Variants in KLHDC4 observed in about 807,000 individuals in gnomAD.
The protein encoded by KLHDC4 is kelch domain-containing protein 4.
A neutral mutation model predicts 62.4 loss-of-function variants in KLHDC4; 90 were observed. That is an observed-to-expected ratio of 1.44 (90% CI 1.22 to 1.72). The LOEUF (loss-of-function observed/expected upper bound fraction) is 1.72. KLHDC4 is among the 40% of genes most tolerant of loss of function. KLHDC4 has a pLI of 0.00. For missense variants in KLHDC4, 1,025 were observed against 699.7 expected, an observed-to-expected ratio of 1.47 and a Z score of -5.25; for synonymous variants, 386 against 284.4, an observed-to-expected ratio of 1.36 and a Z score of -3.59.
intron 6 of KLHDC4, among the ~76,000 whole-genome samples, chr16:87,727,277 C>T (rs1167177331): frequency 6.6e-6 from 1 of 152,170 alleles, no homozygotes. Flanking sequence ...CCCACAGAGG[C>T]AGAGGAATTT....
intron 7 of KLHDC4, among the ~76,000 whole-genome samples, chr16:87,715,962 C>T (rs928181687): frequency 1.3e-5 from 2 of 152,226 alleles, no homozygotes; most frequent in East Asian, 1.9e-4. Context: ...TTTGGGCACG[C>T]TCTGTGTCTC....
rs1348095594 is a variant in KLHDC4 at position 87,708,424 on chromosome 16, C to T, written c.1490G>A (p.Ser497Asn). The change falls in exon 11 of 12, where the codon AGT becomes AAT. Residue 497 changes from serine (S) to asparagine (N), a missense_variant. Physicochemically the swap from Ser to Asn is conservative, Grantham distance 46. Transcript: ENST00000270583. ...ACCCTCGGCGCCCTCAACCTCCTCA[C>T]TGTCCTCTTCCGAGTCCGTCTCCTC... ...WLEETDSEED[S>N]EEVEGAEGGV... 2 of 1,611,826 alleles carry T rather than the reference C, an allele frequency of 1.2e-6. No individual in the cohort carries two copies. The highest frequency in any genetic ancestry group is 1.7e-6 in the Non-Finnish European group (2 of 1,179,312).
chr16:87,765,686 C>T (rs757175273), intron 1 of KLHDC4, 106 bp downstream of exon 1: 148 of 1,099,202 alleles, frequency 1.3e-4, no homozygotes, highest in Non-Finnish European at 1.8e-4. Context: ...TCCCGCAGGG[C>T]CGGCGCGGCT....
downstream of KLHDC4, among the ~76,000 whole-genome samples, chr16:87,705,293 C>G (rs535030953): frequency 6.6e-5 from 10 of 152,380 alleles, no homozygotes; most frequent in South Asian, 2.1e-3. Flanking sequence ...CCCCGGCAGA[C>G]AGAGCAGACC....
intron 5 of KLHDC4, among the ~76,000 whole-genome samples, chr16:87,734,975 TCCCCCTCCTGACGAATTGCCTGA>T: frequency 1.2e-4 from 1 of 8,414 alleles, no homozygotes; most frequent in African/African-American, 5.5e-4. Context: ...CTGACGCCCC[TCCCCCTCCTGACGAATTGCCTGA>T]CGCCCCTCCC....
chr16:87,736,704 C>T (rs1233226152), intron 5 of KLHDC4, among the ~76,000 whole-genome samples: 1 of 152,218 alleles, frequency 6.6e-6, no homozygotes, highest in Non-Finnish European at 1.5e-5. Flanking sequence ...CTTGTCTCAT[C>T]TTAATGATTA....
At chr16:87,712,608 T>C (rs2036124265) in intron 8 of KLHDC4, among the ~76,000 whole-genome samples, 1 of 152,212 alleles carries the variant, frequency 6.6e-6, no homozygotes, top group African/African-American at 2.4e-5. Context: ...GGCTGGAAAG[T>C]GACTGAAAGA....
At chr16:87,716,399 T>C (rs1164112556) in intron 7 of KLHDC4, among the ~76,000 whole-genome samples, 1 of 152,206 alleles carries the variant, frequency 6.6e-6, no homozygotes, top group African/African-American at 2.4e-5. Context: ...CTATGCTCTA[T>C]CACTACCCAT....
chr16:87,752,956 G>A (rs1426136616), intron 4 of KLHDC4, among the ~76,000 whole-genome samples: 1 of 152,208 alleles, frequency 6.6e-6, no homozygotes, highest in African/African-American at 2.4e-5. Flanking sequence ...AGCGGGAAGT[G>A]CAGGACTGTG....
At chr16:87,713,152 G>A (rs1436326581) in intron 8 of KLHDC4, among the ~76,000 whole-genome samples, 2 of 149,610 alleles carry the variant, frequency 1.3e-5, no homozygotes, top group Admixed American at 6.6e-5. Flanking sequence ...CCACCTCAGC[G>A]TCCCCAGTAG....
chr16:87,748,586 T>C, intron 5 of KLHDC4, 87 bp downstream of exon 5: 1 of 1,537,292 alleles, frequency 6.5e-7, no homozygotes, highest in Non-Finnish European at 8.9e-7. Flanking sequence ...AACCCTGGTA[T>C]TCTGAGGTCT....
chr16:87,757,504 T>C (rs2045164388), intron 2 of KLHDC4: 2 of 149,108 alleles, frequency 1.3e-5, no homozygotes, highest in South Asian at 4.2e-4. Flanking sequence ...AGTACTTCAA[T>C]ATACATGCCA....
At chr16:87,709,777 G>A (rs1007702606) in intron 9 of KLHDC4, 110 bp from the exon 10 acceptor site, 2 of 1,296,964 alleles carry the variant, frequency 1.5e-6, no homozygotes, top group Non-Finnish European at 2.1e-6. Flanking sequence ...CACAAGCGTG[G>A]GGAGTGTGTG....
chr16:87,722,782 T>A (rs551026323), intron 7 of KLHDC4, among the ~76,000 whole-genome samples: 63 of 152,320 alleles, frequency 4.1e-4, no homozygotes, highest in African/African-American at 1.4e-3. Flanking sequence ...GCTGCTGCAC[T>A]GTGGTGTGAT....
At chr16:87,716,088 C>G (rs187928673) in intron 7 of KLHDC4, among the ~76,000 whole-genome samples, 9 of 152,078 alleles carry the variant, frequency 5.9e-5, no homozygotes, top group Non-Finnish European at 1.3e-4. Context: ...CTCTATGTCT[C>G]GTGGATACTG....
At chr16:87,762,503 G>A (rs1482864834) in intron 1 of KLHDC4, among the ~76,000 whole-genome samples, 5 of 152,248 alleles carry the variant, frequency 3.3e-5, no homozygotes, top group African/African-American at 1.2e-4. Context: ...CGTCACGCCT[G>A]CCTGCCTTCC....
chr16:87,752,850 C>A (rs2044244562), intron 4 of KLHDC4, among the ~76,000 whole-genome samples: 1 of 152,202 alleles, frequency 6.6e-6, no homozygotes, highest in Non-Finnish European at 1.5e-5. Context: ...TCTACTCCTG[C>A]CCACGATGGA....
intron 5 of KLHDC4, among the ~76,000 whole-genome samples, chr16:87,736,478 CCT>C (rs1171356036): frequency 2.6e-5 from 4 of 152,114 alleles, no homozygotes; most frequent in Non-Finnish European, 4.4e-5. Context: ...CTAGAGAGCC[CCT>C]GTCTTTCAAA....
intron 3 of KLHDC4, 99 bp downstream of exon 3, chr16:87,756,299 GA>G: frequency 2.3e-6 from 2 of 872,298 alleles, no homozygotes; most frequent in East Asian, 5.0e-5. Flanking sequence ...TACAAGGGGT[GA>G]AGGGGCTAAC....
Sources: allele counts gnomAD v4.1 joint callset (sites outside exome capture counted in the v4.1 genomes callset), GRCh38; gene constraint gnomAD v4.1.1; transcripts MANE v1.5; gene names NCBI Gene and HGNC (gene_info 2026-07-23, HGNC 2026-07-21).